Variants in PRORP observed in about 807,000 individuals in gnomAD.
PRORP encodes mitochondrial ribonuclease P catalytic subunit.
In PRORP, 51 loss-of-function variants were observed where a neutral mutation model predicts 59.4. The ratio of observed to expected loss-of-function variants is 0.86; its 90% CI spans 0.69 to 1.08. The LOEUF is 1.08. PRORP is among the 50% of genes least tolerant of loss of function. PRORP has a pLI of 0.00. For missense variants in PRORP, 646 were observed against 690.3 expected, an observed-to-expected ratio of 0.94 and a Z score of 0.72; for synonymous variants, 231 against 245.6, an observed-to-expected ratio of 0.94 and a Z score of 0.55.
In PRORP at chr14:35,151,913, C is replaced by CT. The variant is rs926623483; in HGVS notation, c.1167+24312dup. On this transcript the variant is annotated intron_variant, in intron 4 of 7. Coordinates refer to ENST00000534898, the MANE Select transcript of PRORP (RefSeq NM_014672.4). ...TCAGTTATCTCTAATTTTTTTTCTTCTTTTTTTTTTGTTAATCCATCTTTT... is the reference window on the plus strand; with the variant it reads ...TCAGTTATCTCTAATTTTTTTTCTTCTTTTTTTTTTTGTTAATCCATCTTTT... 2.8e-4 allele frequency among the ~76,000 whole-genome samples: 36 copies of CT among 127,688 alleles called. No individual in the cohort carries two copies. In the Middle Eastern group the frequency reaches 0.012, roughly 44 times the overall value. 83.8% of individuals were successfully genotyped at this position (127,688 alleles called of 152,430 possible). A position where few individuals can be genotyped will look rare whatever the true frequency, so the allele number is the denominator to read the frequency against.
chr14:35,127,667 C>A (rs1303710729), intron 4 of PRORP, 56 bp downstream of exon 4: 15 of 1,590,812 alleles, frequency 9.4e-6, no homozygotes, highest in Non-Finnish European at 2.6e-6. Context: ...CAGGGGTTAG[C>A]AATTTTTGTA....
At chr14:35,234,944 A>G (rs1271836577) in intron 5 of PRORP, among the ~76,000 whole-genome samples, 1 of 151,980 alleles carries the variant, frequency 6.6e-6, no homozygotes, top group African/African-American at 2.4e-5. Flanking sequence ...TTGGCCTCCC[A>G]AAGTGCTGGG....
chr14:35,234,082 C>G (rs978368060), intron 5 of PRORP, among the ~76,000 whole-genome samples: 7 of 152,134 alleles, frequency 4.6e-5, no homozygotes, highest in Non-Finnish European at 8.8e-5. Context: ...TTGAATTTGT[C>G]TAAGAAATCA....
At chr14:35,186,881 A>G (rs2048756233) in intron 5 of PRORP, among the ~76,000 whole-genome samples, 1 of 152,050 alleles carries the variant, frequency 6.6e-6, no homozygotes, top group African/African-American at 2.4e-5. Context: ...CTGAGCCACC[A>G]TGTCTGGCCT....
At chr14:35,149,833 TTTTTG>T (rs1233623882) in intron 4 of PRORP, among the ~76,000 whole-genome samples, 1 of 152,080 alleles carries the variant, frequency 6.6e-6, no homozygotes, top group African/African-American at 2.4e-5. Flanking sequence ...TATCTTAGCT[TTTTTG>T]TTTTGTTTTG....
At chr14:35,220,542 C>G (rs2049745816) in intron 5 of PRORP, among the ~76,000 whole-genome samples, 1 of 152,126 alleles carries the variant, frequency 6.6e-6, no homozygotes, top group South Asian at 2.1e-4. Flanking sequence ...ACTTAATGAA[C>G]AGTTCATGAC....
intron 5 of PRORP, among the ~76,000 whole-genome samples, chr14:35,265,734 A>C (rs1011428867): frequency 6.6e-6 from 1 of 152,228 alleles, no homozygotes; most frequent in East Asian, 1.9e-4. Context: ...ATTCAAATCA[A>C]AACTTATGTA....
intron 5 of PRORP, among the ~76,000 whole-genome samples, chr14:35,208,004 G>A (rs1227596561): frequency 6.6e-6 from 1 of 152,168 alleles, no homozygotes; most frequent in African/African-American, 2.4e-5. Flanking sequence ...ACAAAAATTA[G>A]CTGGGCATAG....
intron 5 of PRORP, among the ~76,000 whole-genome samples, chr14:35,250,640 T>C (rs1328962397): frequency 6.6e-6 from 1 of 152,112 alleles, no homozygotes; most frequent in Admixed American, 6.5e-5. Flanking sequence ...GGGAGGGAAG[T>C]TGAACAGAAG....
Position 35,276,780 on chromosome 14 carries a change from A to G in PRORP, c.*3214A>G, listed in dbSNP as rs566261336. ...AAGAGCATTGACTTTGCCACTTAAA[A>G]GTATTTCTAAAATACTTTGTGCTTC... On this transcript the variant is annotated 3_prime_UTR_variant, in exon 8 of 8. Coordinates refer to ENST00000534898, the MANE Select transcript of PRORP (RefSeq NM_014672.4). 6.6e-6 allele frequency: 1 copy of G among 152,306 alleles called. No homozygotes were observed. Among genetic ancestry groups the G allele is most frequent in the African/African-American group, 2.4e-5 (1 of 41,570 alleles). 9.4% of individuals were successfully genotyped at this position (152,306 alleles called of 1,614,324 possible).
intron 5 of PRORP, among the ~76,000 whole-genome samples, chr14:35,245,338 T>C (rs971633376): frequency 2.0e-5 from 3 of 152,194 alleles, no homozygotes; most frequent in Non-Finnish European, 4.4e-5. Flanking sequence ...TCAGGCATTC[T>C]GTGCTCCAGT....
chr14:35,272,013 G>A (rs978287798), intron 7 of PRORP, among the ~76,000 whole-genome samples: 19 of 149,250 alleles, frequency 1.3e-4, no homozygotes, highest in Admixed American at 2.7e-4. Context: ...GTGACAGAGC[G>A]AGACTCCGTC....
intron 4 of PRORP, among the ~76,000 whole-genome samples, chr14:35,170,059 C>T (rs12436672): frequency 0.19 from 28,123 of 151,922 alleles, 2,855 homozygotes; most frequent in Admixed American, 0.27. Flanking sequence ...TGAAATGTCC[C>T]TTCTTTTTGT....
At chr14:35,273,341 T>C (rs992789822) in intron 7 of PRORP, 94 bp from the exon 8 acceptor site, 27 of 1,279,218 alleles carry the variant, frequency 2.1e-5, no homozygotes, top group Non-Finnish European at 2.8e-5. Flanking sequence ...ATCAATACTC[T>C]TCTGGAGCAA....
rs552379550 is a variant in PRORP, at chr14:35,166,275, T to C, written c.1168-14395T>C. On this transcript the variant is annotated intron_variant, in intron 4 of 7. Transcript: ENST00000534898. ...AGCATATTTAAATTCTGCTGTTGCA[T>C]TTTTTTTCATTTCTATTTTATTTTT... Among the ~76,000 whole-genome samples, 81 of 152,040 alleles carry C rather than the reference T, an allele frequency of 5.3e-4. 2 individuals are homozygous for C. In the South Asian group the frequency reaches 0.016, roughly 30 times the overall value.
intron 4 of PRORP, among the ~76,000 whole-genome samples, chr14:35,146,121 G>A (rs903833189): frequency 1.1e-4 from 16 of 152,072 alleles, no homozygotes; most frequent in Non-Finnish European, 2.1e-4. Context: ...GTGAGCCGCC[G>A]CACTCAGCCC....
At chr14:35,187,024 T>C (rs993269372) in intron 5 of PRORP, among the ~76,000 whole-genome samples, 2 of 152,232 alleles carry the variant, frequency 1.3e-5, no homozygotes, top group Non-Finnish European at 2.9e-5. Context: ...TGTTCCATTG[T>C]ATGGATATGC....
At chr14:35,188,511 A>G (rs929543142) in intron 5 of PRORP, among the ~76,000 whole-genome samples, 1 of 151,888 alleles carries the variant, frequency 6.6e-6, no homozygotes, top group Non-Finnish European at 1.5e-5. Flanking sequence ...TTAACTATAT[A>G]CCAAATACTA....
At chr14:35,238,046 CT>C (rs889017497) in intron 5 of PRORP, among the ~76,000 whole-genome samples, 78 of 146,204 alleles carry the variant, frequency 5.3e-4, no homozygotes, top group East Asian at 9.9e-4. Context: ...GTTAACACAT[CT>C]TTTTTTTTTT....
Sources: allele counts gnomAD v4.1 joint callset (sites outside exome capture counted in the v4.1 genomes callset), GRCh38; gene constraint gnomAD v4.1.1; transcripts MANE v1.5; gene names NCBI Gene and HGNC (gene_info 2026-07-23, HGNC 2026-07-21).